Variants in TTLL5 observed in about 807,000 individuals in gnomAD.
The protein encoded by TTLL5 is tubulin polyglutamylase TTLL5.
In TTLL5, 132 loss-of-function variants were observed where a neutral mutation model predicts 168.4. That is an observed-to-expected ratio of 0.78 (90% CI 0.68 to 0.91). The LOEUF (loss-of-function observed/expected upper bound fraction) is 0.91. Ranked by LOEUF, TTLL5 falls within the 40% of genes least tolerant of loss-of-function variation. The probability of loss-of-function intolerance (pLI) is 0.00; values close to 1 mark genes in which losing one functional copy is unlikely to be tolerated. For missense variants in TTLL5, 1,545 were observed against 1,581.5 expected, an observed-to-expected ratio of 0.98 and a Z score of 0.39; for synonymous variants, 546 against 558.6, an observed-to-expected ratio of 0.98 and a Z score of 0.32.
intron 6 of TTLL5, among the ~76,000 whole-genome samples, chr14:75,696,074 T>C (rs1885838098): frequency 6.6e-6 from 1 of 151,774 alleles, no homozygotes; most frequent in African/African-American, 2.4e-5. Context: ...TTATTTTCCA[T>C]AGAGACAGTC....
At chr14:75,676,196 C>G (rs1430614233) in intron 3 of TTLL5, among the ~76,000 whole-genome samples, 1 of 152,192 alleles carries the variant, frequency 6.6e-6, no homozygotes, top group African/African-American at 2.4e-5. Context: ...ATGCTCATCT[C>G]TTCTGGAGAC....
Position 75,703,699 on chromosome 14 carries a change from G to A in TTLL5, c.586-3319G>A, listed in dbSNP as rs1886445060. The stretch of plus-strand genomic sequence containing the variant: ...CATTCTCTGAGACTTTCACATGTTA[G>A]GAGAGTGTTAGGTCACTCTAGTCCC... On this transcript the variant is annotated intron_variant, in intron 7 of 31. Coordinates refer to ENST00000298832, the MANE Select transcript of TTLL5 (RefSeq NM_015072.5). Among the ~76,000 whole-genome samples the A allele has an allele frequency of 2.0e-5, 3 of 152,206 alleles. 1 individual carries two copies. In the South Asian group the frequency reaches 6.2e-4, roughly 32 times the overall value.
chr14:75,814,010 A>T (rs1894229065), intron 27 of TTLL5, among the ~76,000 whole-genome samples: 1 of 152,200 alleles, frequency 6.6e-6, no homozygotes, highest in South Asian at 2.1e-4. Flanking sequence ...ATCCTAATAT[A>T]GGTTGAGTGT....
chr14:75,918,216 C>T (rs2033688428), intron 31 of TTLL5, among the ~76,000 whole-genome samples: 1 of 152,182 alleles, frequency 6.6e-6, no homozygotes, highest in African/African-American at 2.4e-5. Context: ...ACACTGGCTC[C>T]CTTGCCTACT....
intron 5 of TTLL5, 120 bp downstream of exon 5, chr14:75,683,776 CTT>C (rs11406886): frequency 6.4e-3 from 3,074 of 481,496 alleles, no homozygotes; most frequent in East Asian, 0.013. Context: ...AGAAGAAGGA[CTT>C]TTTTTTTTTT....
chr14:75,700,066 T>C (rs1304920433), intron 7 of TTLL5, among the ~76,000 whole-genome samples: 1 of 152,214 alleles, frequency 6.6e-6, no homozygotes, highest in Non-Finnish European at 1.5e-5. Flanking sequence ...TCAGTAACTA[T>C]GATTCAGTTT....
At chr14:75,890,895 AT>A (rs1188296343) in intron 30 of TTLL5, among the ~76,000 whole-genome samples, 3 of 151,910 alleles carry the variant, frequency 2.0e-5, no homozygotes, top group African/African-American at 7.3e-5. Context: ...AATTTTTTGT[AT>A]TTTTAGTAGA....
intron 31 of TTLL5, among the ~76,000 whole-genome samples, chr14:75,902,876 A>C (rs915727784): frequency 6.6e-6 from 1 of 152,254 alleles, no homozygotes; most frequent in Non-Finnish European, 1.5e-5. Context: ...AGAAAATAAC[A>C]TGCTGGGCAC....
chr14:75,827,422 A>G (rs1481748859), intron 28 of TTLL5, among the ~76,000 whole-genome samples: 1 of 152,176 alleles, frequency 6.6e-6, no homozygotes, highest in Non-Finnish European at 1.5e-5. Context: ...TAATTAGGAA[A>G]AGCCAAATTT....
At chr14:75,820,929 A>G (rs1595097684) in intron 28 of TTLL5, among the ~76,000 whole-genome samples, 1 of 152,242 alleles carries the variant, frequency 6.6e-6, no homozygotes, top group Non-Finnish European at 1.5e-5. Flanking sequence ...GTTACAGTGA[A>G]GTATTTTGAC....
At chr14:75,881,396 C>T (rs1167049371) in intron 29 of TTLL5, among the ~76,000 whole-genome samples, 3 of 152,222 alleles carry the variant, frequency 2.0e-5, no homozygotes, top group Non-Finnish European at 4.4e-5. Context: ...AACACATTTA[C>T]TCCACACAAG....
intron 31 of TTLL5, among the ~76,000 whole-genome samples, chr14:75,940,798 TA>T (rs1322216640): frequency 6.6e-6 from 1 of 152,234 alleles, no homozygotes; most frequent in Non-Finnish European, 1.5e-5. Flanking sequence ...CTGATGGGTT[TA>T]TTATAATAAA....
At chr14:75,693,511 T>C (rs1318749813) in intron 6 of TTLL5, among the ~76,000 whole-genome samples, 2 of 152,218 alleles carry the variant, frequency 1.3e-5, no homozygotes, top group African/African-American at 4.8e-5. Flanking sequence ...CTGTTCTCAG[T>C]AATTTGAGTG....
intron 15 of TTLL5, among the ~76,000 whole-genome samples, chr14:75,739,287 C>T (rs1031588698): frequency 6.6e-6 from 1 of 152,012 alleles, no homozygotes; most frequent in Non-Finnish European, 1.5e-5. Context: ...TTTATTCAGC[C>T]AGCTTTATAC....
At chr14:75,949,297 T>A (rs893510313) in intron 31 of TTLL5, among the ~76,000 whole-genome samples, 11 of 151,108 alleles carry the variant, frequency 7.3e-5, no homozygotes, top group African/African-American at 2.7e-4. Flanking sequence ...AGACCTGTGA[T>A]AAAATATGTA....
chr14:75,814,386 T>G (rs914404667), intron 27 of TTLL5: 7 of 152,210 alleles, frequency 4.6e-5, no homozygotes, highest in African/African-American at 1.7e-4. Context: ...AGAGCTGGTT[T>G]TGTTATGTTA....
intron 5 of TTLL5, among the ~76,000 whole-genome samples, chr14:75,686,469 C>T (rs564498345): frequency 2.6e-5 from 4 of 152,198 alleles, no homozygotes; most frequent in South Asian, 2.1e-4. Context: ...ATTTCAGGCC[C>T]GTGGTGCTAG....
chr14:75,865,620 G>C (rs1407317043), intron 29 of TTLL5, among the ~76,000 whole-genome samples: 1 of 152,074 alleles, frequency 6.6e-6, no homozygotes, highest in Non-Finnish European at 1.5e-5. Flanking sequence ...AGGATGACTG[G>C]GGAAGGAGAG....
chr14:75,696,968 C>G (rs188698052), intron 6 of TTLL5, among the ~76,000 whole-genome samples: 1 of 151,580 alleles, frequency 6.6e-6, no homozygotes, highest in African/African-American at 2.4e-5. Flanking sequence ...AACTATATCC[C>G]TTGAGTGAAA....
Sources: allele counts gnomAD v4.1 joint callset (sites outside exome capture counted in the v4.1 genomes callset), GRCh38; gene constraint gnomAD v4.1.1; transcripts MANE v1.5; gene names NCBI Gene and HGNC (gene_info 2026-07-23, HGNC 2026-07-21).